The following UGT8 variants were observed in gnomAD, a reference collection of about 807,000 sequenced individuals.
UGT8 encodes 2-hydroxyacylsphingosine 1-beta-galactosyltransferase.
UGT8 carries 12 observed loss-of-function variants against 40.5 expected under a neutral mutation model. The observed-to-expected ratio is 0.30, with a 90% confidence interval of 0.19 to 0.48. The LOEUF is 0.48. Among genes scored for constraint, UGT8 ranks in the 20% least tolerant of loss-of-function variants. The pLI, the probability that UGT8 is intolerant of heterozygous loss-of-function variation, is 0.99. For synonymous variants in UGT8, 224 were observed against 240.4 expected, an observed-to-expected ratio of 0.93 and a Z score of 0.63; for missense variants, 513 against 648.7, an observed-to-expected ratio of 0.79 and a Z score of 2.27.
intron 4 of UGT8, 39 bp downstream of exon 4, chr4:114,665,795 G>T: frequency 6.6e-7 from 1 of 1,507,600 alleles, no homozygotes; most frequent in Non-Finnish European, 9.0e-7. Flanking sequence ...TGGCTGTTAG[G>T]TTTTAATTAC....
intron 1 of UGT8, among the ~76,000 whole-genome samples, chr4:114,601,418 G>A (rs1465769111): frequency 6.6e-6 from 1 of 151,928 alleles, no homozygotes; most frequent in African/African-American, 2.4e-5. Context: ...TTCATACTAG[G>A]ATTTTCCAAC....
chr4:114,612,618 C>T (rs921667180), intron 1 of UGT8, among the ~76,000 whole-genome samples: 26 of 152,124 alleles, frequency 1.7e-4, no homozygotes, highest in African/African-American at 5.5e-4. Context: ...TTTTCCAGTA[C>T]GTTATTGGTA....
chr4:114,663,349 T>A (rs1734667745), intron 2 of UGT8, among the ~76,000 whole-genome samples: 1 of 152,074 alleles, frequency 6.6e-6, no homozygotes, highest in Non-Finnish European at 1.5e-5. Context: ...ATAGGAGTCA[T>A]CAATGCACAG....
chr4:114,666,275 C>G (rs72677946), intron 4 of UGT8, among the ~76,000 whole-genome samples: 4,214 of 152,050 alleles, frequency 0.028, 89 homozygotes, highest in Non-Finnish European at 0.045. Flanking sequence ...CTGTTTAGTC[C>G]TAAATCATTG....
rs191673452 is a variant in UGT8 at position 114,677,361 on chromosome 4, A to G, written c.*1073A>G. The G allele has an allele frequency of 6.6e-6, 1 of 152,356 alleles. No homozygotes were observed. The highest frequency in any genetic ancestry group is 1.9e-4 in the East Asian group (1 of 5,184). 9.4% of individuals were successfully genotyped at this position (152,356 alleles called of 1,614,324 possible). On this transcript the variant is annotated 3_prime_UTR_variant, in exon 6 of 6. Coordinates refer to ENST00000310836, the MANE Select transcript of UGT8 (RefSeq NM_001128174.3). The stretch of plus-strand genomic sequence containing the variant: ...AGGTGCCAACATTTAATTCTTTTAA[A>G]TGGAACATTTGCAGTTTTCCATATT...
chr4:114,624,990 C>T (rs1732105956), intron 2 of UGT8, among the ~76,000 whole-genome samples: 1 of 152,126 alleles, frequency 6.6e-6, no homozygotes, highest in African/African-American at 2.4e-5. Flanking sequence ...GGCAGAGTCA[C>T]CTTCCTAAAG....
At chr4:114,607,593 G>T (rs1304749634) in intron 1 of UGT8, among the ~76,000 whole-genome samples, 2 of 151,990 alleles carry the variant, frequency 1.3e-5, no homozygotes, top group Non-Finnish European at 2.9e-5. Flanking sequence ...ATATATAGAT[G>T]ATTCAAAAAG....
At chr4:114,627,795 A>G (rs1037174833) in intron 2 of UGT8, among the ~76,000 whole-genome samples, 1 of 152,162 alleles carries the variant, frequency 6.6e-6, no homozygotes, top group Admixed American at 6.5e-5. Flanking sequence ...CAACTTCTAC[A>G]GCCTTGAACT....
intron 2 of UGT8, among the ~76,000 whole-genome samples, chr4:114,631,406 G>T (rs778537597): frequency 9.2e-5 from 14 of 152,206 alleles, no homozygotes; most frequent in Non-Finnish European, 1.8e-4. Flanking sequence ...AGAATCGCTT[G>T]AACCCGTGAG....
intron 2 of UGT8, chr4:114,656,720 C>T (rs1213445748): frequency 6.2e-6 from 3 of 484,958 alleles, no homozygotes; most frequent in Non-Finnish European, 1.3e-5. Context: ...TAACTGTGAC[C>T]TGAGGGGGAA....
chr4:114,655,415 G>A (rs756482959), intron 2 of UGT8, among the ~76,000 whole-genome samples: 4 of 152,010 alleles, frequency 2.6e-5, no homozygotes, highest in Non-Finnish European at 4.4e-5. Context: ...TTGGTTACAG[G>A]GGCTTATTCT....
intron 2 of UGT8, among the ~76,000 whole-genome samples, chr4:114,624,816 A>T (rs549815601): frequency 4.7e-4 from 72 of 152,278 alleles, no homozygotes; most frequent in African/African-American, 1.7e-3. Context: ...GGAAACAGAA[A>T]TGGCCTGTAC....
intron 1 of UGT8, among the ~76,000 whole-genome samples, chr4:114,601,434 C>T (rs1167654058): frequency 1.3e-5 from 2 of 152,056 alleles, no homozygotes; most frequent in Non-Finnish European, 2.9e-5. Context: ...CCAACATACA[C>T]CTGGGAATTT....
chr4:114,648,331 A>G (rs1349961213), intron 2 of UGT8, among the ~76,000 whole-genome samples: 1 of 149,344 alleles, frequency 6.7e-6, no homozygotes, highest in African/African-American at 2.5e-5. Context: ...TATGTTCAGT[A>G]GTATCATTAA....
chr4:114,675,029 A>G (rs943271588), intron 5 of UGT8, among the ~76,000 whole-genome samples: 1 of 152,218 alleles, frequency 6.6e-6, no homozygotes, highest in Non-Finnish European at 1.5e-5. Flanking sequence ...TTATACATAT[A>G]TACATGCATA....
chr4:114,616,083 G>A (rs1476798225), intron 1 of UGT8, among the ~76,000 whole-genome samples: 1 of 152,164 alleles, frequency 6.6e-6, no homozygotes, highest in East Asian at 1.9e-4. Context: ...CCCGTTCTCA[G>A]ATCTCCAGCT....
intron 1 of UGT8, chr4:114,622,507 C>A (rs961940404): frequency 5.4e-6 from 1 of 183,698 alleles, no homozygotes. Flanking sequence ...CCTGAGGAAT[C>A]GCCACATTGA....
intron 1 of UGT8, among the ~76,000 whole-genome samples, chr4:114,606,688 T>TA (rs1240883517): frequency 6.6e-6 from 1 of 151,804 alleles, no homozygotes; most frequent in Admixed American, 6.6e-5. Context: ...TTAATGGAGA[T>TA]AAAGTAAGAG....
chr4:114,637,757 T>C (rs1016681831), intron 2 of UGT8, among the ~76,000 whole-genome samples: 2 of 152,280 alleles, frequency 1.3e-5, no homozygotes, highest in African/African-American at 4.8e-5. Flanking sequence ...AACAGCTTGG[T>C]TATTTTATTT....
Sources: allele counts gnomAD v4.1 joint callset (sites outside exome capture counted in the v4.1 genomes callset), GRCh38; gene constraint gnomAD v4.1.1; transcripts MANE v1.5; gene names NCBI Gene and HGNC (gene_info 2026-07-23, HGNC 2026-07-21).